The following ZNF160 variants were observed in gnomAD, a reference collection of about 807,000 sequenced individuals.
ZNF160 encodes the protein KRAB zinc finger protein KR18.
ZNF160 carries 9 observed loss-of-function variants against 13.1 expected under a neutral mutation model. The observed-to-expected ratio is 0.69, with a 90% CI of 0.41 to 1.20. The LOEUF (loss-of-function observed/expected upper bound fraction) is 1.20. Among genes scored for constraint, ZNF160 ranks in the 50% most tolerant of loss-of-function variants. ZNF160 has a pLI of 0.01. For missense variants in ZNF160, 838 were observed against 988.0 expected (o/e 0.85, Z 2.04); for synonymous variants, 293 against 333.2 (o/e 0.88, Z 1.31).
intron 1 of ZNF160, among the ~76,000 whole-genome samples, chr19:53,101,246 C>G (rs868204595): frequency 5.8e-4 from 88 of 152,056 alleles, no homozygotes; most frequent in African/African-American, 2.0e-3. Flanking sequence ...CGCCACTGCC[C>G]TCCAGCCTGG....
chr19:53,086,400 T>A (rs1042332033), intron 2 of ZNF160, 79 bp from the exon 3 acceptor site: 3 of 1,276,666 alleles, frequency 2.3e-6, no homozygotes, highest in Non-Finnish European at 1.1e-6. Flanking sequence ...AATCTATACA[T>A]CCCCTTCATG....
At chr19:53,085,057 G>T in intron 3 of ZNF160, 2 of 514,580 alleles carry the variant, frequency 3.9e-6, no homozygotes, top group Non-Finnish European at 5.0e-6. Context: ...GGGCTCAAAT[G>T]ATCCTCCCAC....
chr19:53,086,851 G>A (rs968602369), intron 2 of ZNF160, among the ~76,000 whole-genome samples: 6 of 152,168 alleles, frequency 3.9e-5, no homozygotes, highest in Admixed American at 3.9e-4. Flanking sequence ...TATGAAGCCA[G>A]GGTTGAGCTC....
chr19:53,093,210 C>T (rs1445083249), intron 1 of ZNF160, among the ~76,000 whole-genome samples: 3 of 152,182 alleles, frequency 2.0e-5, no homozygotes, highest in Non-Finnish European at 2.9e-5. Flanking sequence ...GAGGCCGAGG[C>T]AGGTGGATCA....
At chr19:53,090,165 C>T (rs1339723203) in intron 2 of ZNF160, among the ~76,000 whole-genome samples, 2 of 152,032 alleles carry the variant, frequency 1.3e-5, no homozygotes, top group African/African-American at 2.4e-5. Context: ...CCAGCTGTCC[C>T]GTCTTGCTGT....
chr19:53,084,428 G>C lies in ZNF160; in HGVS notation c.15+1834C>G, dbSNP rs181074395. Among the ~76,000 whole-genome samples, 284 of 152,292 alleles carry C rather than the reference G, an allele frequency of 1.9e-3. 2 individuals are homozygous for C. The highest frequency in any genetic ancestry group is 0.019 in the South Asian group (90 of 4,830). On this transcript the variant is annotated intron_variant, in intron 3 of 5. Coordinates refer to ENST00000683776, the MANE Select transcript of ZNF160 (RefSeq NM_001322131.2). ...TGTCTTTCTACCAGACCTTGCTCTTGTTAACTGGACTCTGCAAGCAGCGAG... is the reference window on the plus strand; with the variant it reads ...TGTCTTTCTACCAGACCTTGCTCTTCTTAACTGGACTCTGCAAGCAGCGAG...
rs376170454 is a variant in ZNF160, at chr19:53,070,033, G to A, written c.501C>T (p.Arg167=). ...GCTTGTTTTCTATGTCTCTTCTGTCGCGTTGATCTCTTTTACCTTCTTTCT... is the reference window on the plus strand; with the variant it reads ...GCTTGTTTTCTATGTCTCTTCTGTCACGTTGATCTCTTTTACCTTCTTTCT... ...MAQKEGKRDQ[R]DRRDIENKLM... The change falls in exon 6 of 6, where the codon CGC becomes CGT. Residue 167 remains arginine, a synonymous_variant. Transcript: ENST00000683776. 1.3e-4 allele frequency: 202 copies of A among 1,613,822 alleles called. No homozygotes were observed. The highest frequency in any genetic ancestry group is 2.4e-4 in the African/African-American group (18 of 74,880).
At chr19:53,094,406 C>G (rs756591614) in intron 1 of ZNF160, among the ~76,000 whole-genome samples, 1 of 152,136 alleles carries the variant, frequency 6.6e-6, no homozygotes, top group Non-Finnish European at 1.5e-5. Flanking sequence ...ATCCTCTAAA[C>G]AGACAAATCA....
intron 3 of ZNF160, among the ~76,000 whole-genome samples, chr19:53,082,214 C>G (rs964721432): frequency 6.6e-6 from 1 of 152,112 alleles, no homozygotes; most frequent in Non-Finnish European, 1.5e-5. Context: ...CTCAACATCA[C>G]AAAATATACC....
At position 53,075,374 on chromosome 19, in the gene ZNF160, C is replaced by T; in HGVS notation, c.16-191G>A. On this transcript the variant is annotated intron_variant, in intron 3 of 5. Coordinates refer to ENST00000683776, the MANE Select transcript of ZNF160 (RefSeq NM_001322131.2). ...CCTGACATAAGAGCTCACTTGAAAT[C>T]AGTGGAGTGATAAGTATCTTTTTGT... The T allele has an allele frequency of 4.8e-6, 3 of 624,900 alleles. No homozygotes were observed. In the South Asian group the frequency reaches 5.9e-5, roughly 12 times the overall value. The allele number at this position is 624,900 out of a possible 1,614,324, so 38.7% of individuals were successfully genotyped here.
chr19:53,074,431 G>T (rs755066071), intron 4 of ZNF160, among the ~76,000 whole-genome samples, 163 bp from the exon 5 acceptor site: 19 of 152,044 alleles, frequency 1.2e-4, no homozygotes, highest in Non-Finnish European at 1.9e-4. Flanking sequence ...ATTTTGGGAA[G>T]CTGAGGTGGG....
At chr19:53,070,743 C>G (rs1024417493) in intron 5 of ZNF160, among the ~76,000 whole-genome samples, 2 of 152,062 alleles carry the variant, frequency 1.3e-5, no homozygotes, top group African/African-American at 4.8e-5. Context: ...AAAGAAAATG[C>G]AGTTACATGT....
intron 1 of ZNF160, among the ~76,000 whole-genome samples, chr19:53,096,414 C>T (rs1044450122): frequency 6.6e-6 from 1 of 151,732 alleles, no homozygotes; most frequent in Non-Finnish European, 1.5e-5. Flanking sequence ...GCTTACCAAC[C>T]TGTGGAAGGG....
chr19:53,093,003 G>A (rs1238369362), intron 1 of ZNF160, among the ~76,000 whole-genome samples: 1 of 152,122 alleles, frequency 6.6e-6, no homozygotes, highest in African/African-American at 2.4e-5. Context: ...TTTGATTTTG[G>A]ATCTTTTCAT....
chr19:53,082,323 C>G (rs1371004571), intron 3 of ZNF160, among the ~76,000 whole-genome samples: 1 of 152,160 alleles, frequency 6.6e-6, no homozygotes, highest in Non-Finnish European at 1.5e-5. Context: ...AAATTCAAAT[C>G]CATGAGACAT....
intron 2 of ZNF160, among the ~76,000 whole-genome samples, chr19:53,088,144 G>C (rs1048610158): frequency 6.6e-6 from 1 of 152,136 alleles, no homozygotes; most frequent in African/African-American, 2.4e-5. Context: ...TGATCAGAGT[G>C]GCAAGAAGAT....
chr19:53,094,923 G>A (rs2085166268), intron 1 of ZNF160, among the ~76,000 whole-genome samples: 1 of 151,888 alleles, frequency 6.6e-6, no homozygotes, highest in Non-Finnish European at 1.5e-5. Flanking sequence ...TCCCGGCCCT[G>A]CCCGCTTCCC....
rs943502500 is a variant in ZNF160 at position 53,070,837 on chromosome 19, A to T, written c.272-575T>A. Among the ~76,000 whole-genome samples the T allele has an allele frequency of 2.0e-5, 3 of 152,080 alleles. 1 individual carries two copies. Among genetic ancestry groups the T allele is most frequent in the African/African-American group, 7.2e-5 (3 of 41,414 alleles). ...TGGGAGCCTAAGGTGGGAGGATCAC[A>T]GGAGGCCACGAGGTTGAGACCAGCC... On this transcript the variant is annotated intron_variant, in intron 5 of 5. Coordinates refer to ENST00000683776, the MANE Select transcript of ZNF160 (RefSeq NM_001322131.2).
At chr19:53,099,253 C>T (rs1323730202) in intron 1 of ZNF160, among the ~76,000 whole-genome samples, 2 of 152,014 alleles carry the variant, frequency 1.3e-5, no homozygotes, top group Non-Finnish European at 2.9e-5. Flanking sequence ...AGGCTAGACC[C>T]GAAGGAGAAG....
Sources: allele counts gnomAD v4.1 joint callset (sites outside exome capture counted in the v4.1 genomes callset), GRCh38; gene constraint gnomAD v4.1.1; transcripts MANE v1.5; gene names NCBI Gene and HGNC (gene_info 2026-07-23, HGNC 2026-07-21).